The following CPM variants were observed in gnomAD, a reference collection of about 807,000 sequenced individuals.
The protein encoded by CPM is carboxypeptidase M, also known as renal carboxypeptidase.
In CPM, 35 loss-of-function variants were observed where a neutral mutation model predicts 46.4. That is an observed-to-expected ratio of 0.75 (90% CI 0.58 to 1.00). The LOEUF is 1.00. Ranked by LOEUF, CPM falls within the 50% of genes least tolerant of loss-of-function variation. CPM has a pLI of 0.00. For synonymous variants in CPM, 195 were observed against 195.3 expected (o/e 1.00, Z 0.01); for missense variants, 422 against 530.4 (o/e 0.80, Z 2.01).
intron 1 of CPM, among the ~76,000 whole-genome samples, chr12:68,951,894 A>C (rs919610002): frequency 6.6e-6 from 1 of 152,256 alleles, no homozygotes; most frequent in African/African-American, 2.4e-5. Context: ...AAGGGCAGAA[A>C]GGAAGGAGCC....
chr12:68,884,091 CAA>C (rs753302453), intron 3 of CPM, among the ~76,000 whole-genome samples: 12 of 96,740 alleles, frequency 1.2e-4, no homozygotes, highest in Admixed American at 1.7e-4. Context: ...GCCTGGGAGA[CAA>C]GAGCGAAATT....
chr12:68,874,786 G>A (rs1885868697), intron 3 of CPM, among the ~76,000 whole-genome samples: 1 of 152,064 alleles, frequency 6.6e-6, no homozygotes, highest in African/African-American at 2.4e-5. Flanking sequence ...AAAAATCCCT[G>A]GCCTATCTGA....
At chr12:68,875,467 A>G (rs1885906830) in intron 3 of CPM, among the ~76,000 whole-genome samples, 1 of 152,160 alleles carries the variant, frequency 6.6e-6, no homozygotes, top group Non-Finnish European at 1.5e-5. Context: ...TAAAATGACT[A>G]CAATTTCAAA....
intron 6 of CPM, among the ~76,000 whole-genome samples, chr12:68,868,459 C>T (rs772619342): frequency 6.6e-6 from 1 of 152,168 alleles, no homozygotes; most frequent in Non-Finnish European, 1.5e-5. Flanking sequence ...CCGCAACTTG[C>T]TGTTGGTGGG....
At chr12:68,875,450 A>G (rs1174283389) in intron 3 of CPM, among the ~76,000 whole-genome samples, 2 of 152,178 alleles carry the variant, frequency 1.3e-5, no homozygotes, top group African/African-American at 2.4e-5. Flanking sequence ...GTTAAAATAT[A>G]TACACATAAA....
Position 68,856,493 on chromosome 12 carries a change from T to C in CPM, c.1276A>G (p.Thr426Ala), listed in dbSNP as rs758307993. 55 of 1,614,056 alleles carry C rather than the reference T, an allele frequency of 3.4e-5. No individual in the cohort carries two copies. The East Asian group carries it at 8.9e-4, about 26-fold the overall frequency. ...AAAAATAAGAACAAACTAGGCTTTG[T>C]TGCAGCTGAGTGGTCTGGCAAATTT... Reference protein sequence around the residue: ...YRNLPDHSAATKPSLFLFLVS... With the variant: ...YRNLPDHSAAAKPSLFLFLVS... The change falls in exon 9 of 9, where the codon ACA becomes GCA. Residue 426 changes from threonine (T) to alanine (A), a missense_variant. Physicochemically the swap from Thr to Ala is moderately conservative, Grantham distance 58. Transcript: ENST00000551568.
rs1885088561 is a variant in CPM, at chr12:68,858,860, G to A, written c.1089+63C>T. ...CCTAGACTTATTTTGGATTCCTTCT[G>A]GGTGAATAAGTATTATGAGTTCTAT... On this transcript the variant is annotated intron_variant, in intron 8 of 8. Coordinates refer to ENST00000551568, the MANE Select transcript of CPM (RefSeq NM_198320.5). The A allele has an allele frequency of 1.0e-5, 11 of 1,073,632 alleles. No homozygotes were observed. The Admixed American group carries it at 3.1e-4, about 30-fold the overall frequency. 66.5% of individuals were successfully genotyped at this position (1,073,632 alleles called of 1,614,324 possible).
At chr12:68,897,736 C>T (rs1340447762) in intron 2 of CPM, among the ~76,000 whole-genome samples, 9 of 106,042 alleles carry the variant, frequency 8.5e-5, no homozygotes, top group Non-Finnish European at 1.2e-4. Context: ...GACTCCGTTT[C>T]AAAAAAAAAA....
chr12:68,886,326 AAC>A (rs76941527), intron 2 of CPM, among the ~76,000 whole-genome samples: 19,494 of 109,576 alleles, frequency 0.18, 1,335 homozygotes, highest in Non-Finnish European at 0.21. Flanking sequence ...AAGAAAAAAA[AAC>A]AACAGCAATA....
At chr12:68,845,555 G>C (rs1455115754) in intron 5 of CPM, 4 of 185,600 alleles carry the variant, frequency 2.2e-5, no homozygotes, top group Non-Finnish European at 3.4e-5. Flanking sequence ...TTAGAGAGAG[G>C]AGTGGTACTG....
At chr12:68,938,845 T>C (rs1888713261) in intron 1 of CPM, among the ~76,000 whole-genome samples, 1 of 150,296 alleles carries the variant, frequency 6.7e-6, no homozygotes, top group Admixed American at 6.7e-5. Flanking sequence ...TGTGTACATA[T>C]ATATCTATAT....
At chr12:68,936,483 A>C (rs749313480), upstream of CPM, among the ~76,000 whole-genome samples, 18 of 152,106 alleles carry the variant, frequency 1.2e-4, no homozygotes, top group Non-Finnish European at 2.6e-4. Context: ...TCCCGGGTTC[A>C]AGCAATTCTC....
At chr12:68,951,497 C>T (rs947288997) in intron 1 of CPM, among the ~76,000 whole-genome samples, 2 of 151,448 alleles carry the variant, frequency 1.3e-5, no homozygotes, top group Non-Finnish European at 2.9e-5. Context: ...AGGAAGGATT[C>T]CCAGAGGAAG....
At chr12:68,926,693 C>T (rs1421367399) in intron 2 of CPM, among the ~76,000 whole-genome samples, 1 of 152,066 alleles carries the variant, frequency 6.6e-6, no homozygotes, top group South Asian at 2.1e-4. Flanking sequence ...GGTATATCTC[C>T]TAATGCTATC....
intron 4 of CPM, among the ~76,000 whole-genome samples, chr12:68,870,778 C>T (rs12317834): frequency 0.011 from 1,665 of 152,316 alleles, 27 homozygotes; most frequent in Middle Eastern, 0.034. Context: ...GAGCTGAGCC[C>T]CAGACCTGTG....
In CPM at chr12:68,910,001, TGAA is replaced by T. The variant is rs745570335; in HGVS notation, c.160+22674_160+22676del. 7.6e-4 allele frequency among the ~76,000 whole-genome samples: 115 copies of T among 150,466 alleles called. No individual in the cohort carries two copies. In the East Asian group the frequency reaches 0.017, roughly 22 times the overall value. ...AAAAGTATAATAATAATAATAATAA[TGAA>T]GAAGAAGAAGAAGAGGAAGAAGAGG... On this transcript the variant is annotated intron_variant, in intron 2 of 8. Coordinates refer to ENST00000551568, the MANE Select transcript of CPM (RefSeq NM_198320.5).
chr12:68,956,804 T>C (rs575152165), intron 1 of CPM, among the ~76,000 whole-genome samples: 105 of 152,230 alleles, frequency 6.9e-4, no homozygotes, highest in Middle Eastern at 6.8e-3. Flanking sequence ...TCCATTTTAC[T>C]TATGGATAGA....
At chr12:68,935,960 AG>A (rs1888667205), upstream of CPM, among the ~76,000 whole-genome samples, 1 of 152,174 alleles carries the variant, frequency 6.6e-6, no homozygotes, top group African/African-American at 2.4e-5. Context: ...GGAGATTGCC[AG>A]GATTGTTGTT....
At position 68,895,144 on chromosome 12, in the gene CPM, C is replaced by T. The variant is rs1452269702; in HGVS notation, c.161-9255G>A. ...CTACCAGGTAAATCATGGCCATTCC[C>T]TAAGGCCCAGGTCATCTTCTTAGTA... On this transcript the variant is annotated intron_variant, in intron 2 of 8. Transcript: ENST00000551568. 3.3e-5 allele frequency among the ~76,000 whole-genome samples: 5 copies of T among 152,030 alleles called. No homozygotes were observed. In the East Asian group the frequency reaches 9.6e-4, roughly 29 times the overall value.
Sources: allele counts gnomAD v4.1 joint callset (sites outside exome capture counted in the v4.1 genomes callset), GRCh38; gene constraint gnomAD v4.1.1; transcripts MANE v1.5; gene names NCBI Gene and HGNC (gene_info 2026-07-23, HGNC 2026-07-21).